THRB: variants seen among roughly 807,000 people sequenced by gnomAD.
THRB encodes the protein thyroid hormone receptor beta.
A neutral mutation model predicts 47.8 loss-of-function variants in THRB; 12 were observed. That is an observed-to-expected ratio of 0.25 (90% CI 0.16 to 0.41). The LOEUF (loss-of-function observed/expected upper bound fraction) is 0.41, where lower values mean the gene tolerates loss of function less well. THRB is among the 10% of genes least tolerant of loss of function. The probability of loss-of-function intolerance (pLI) is 1.00; values close to 1 mark genes in which losing one functional copy is unlikely to be tolerated. For synonymous variants in THRB, 218 were observed against 212.2 expected, an observed-to-expected ratio of 1.03 and a Z score of -0.24; for missense variants, 348 against 589.2, an observed-to-expected ratio of 0.59 and a Z score of 4.24.
At chr3:24,179,332 G>A (rs1575626778) in intron 5 of THRB, among the ~76,000 whole-genome samples, 1 of 152,264 alleles carries the variant, frequency 6.6e-6, no homozygotes, top group East Asian at 1.9e-4. Context: ...AATTTCCTTA[G>A]TTTTAGCAGG....
intron 7 of THRB, 31 bp downstream of exon 7, chr3:24,146,644 T>C (rs781226974): frequency 1.2e-6 from 2 of 1,613,042 alleles, no homozygotes; most frequent in Non-Finnish European, 8.5e-7. Context: ...TCAACATTCC[T>C]TGAATATGAA....
intron 3 of THRB, among the ~76,000 whole-genome samples, chr3:24,264,818 G>C (rs1414802221): frequency 6.7e-6 from 1 of 149,166 alleles, no homozygotes; most frequent in Non-Finnish European, 1.5e-5. Flanking sequence ...ACTGGACTTT[G>C]TGCTTTTAGT....
chr3:24,196,294 T>C (rs1235592161), intron 4 of THRB, among the ~76,000 whole-genome samples: 1 of 152,102 alleles, frequency 6.6e-6, no homozygotes, highest in Non-Finnish European at 1.5e-5. Context: ...GCTCATCCCT[T>C]ATATTTCTTG....
intron 1 of THRB, among the ~76,000 whole-genome samples, chr3:24,429,455 A>G (rs763352867): frequency 1.3e-5 from 2 of 152,022 alleles, no homozygotes; most frequent in Non-Finnish European, 2.9e-5. Flanking sequence ...ACAAAGAATG[A>G]ATGAATGAAT....
chr3:24,235,588 C>T (rs1336739305), intron 3 of THRB, among the ~76,000 whole-genome samples: 1 of 152,166 alleles, frequency 6.6e-6, no homozygotes, highest in African/African-American at 2.4e-5. Context: ...CATGGGCAGC[C>T]CAGAAAAGCC....
At chr3:24,346,650 T>C (rs1199521921) in intron 1 of THRB, among the ~76,000 whole-genome samples, 2 of 152,026 alleles carry the variant, frequency 1.3e-5, no homozygotes, top group African/African-American at 2.4e-5. Flanking sequence ...TATCAGATAC[T>C]GTAAACTTAA....
chr3:24,289,664 T>G (rs2055718753), intron 3 of THRB, among the ~76,000 whole-genome samples: 1 of 152,236 alleles, frequency 6.6e-6, no homozygotes, highest in Non-Finnish European at 1.5e-5. Context: ...CCTAATTATT[T>G]CGAGGAGTCT....
intron 1 of THRB, among the ~76,000 whole-genome samples, chr3:24,360,572 T>C (rs1319056490): frequency 2.0e-5 from 3 of 152,194 alleles, no homozygotes; most frequent in Non-Finnish European, 4.4e-5. Flanking sequence ...AACAACTTTT[T>C]AAAAATGCTA....
intron 3 of THRB, among the ~76,000 whole-genome samples, chr3:24,249,556 A>T (rs879842780): frequency 0.067 from 10,153 of 152,232 alleles, 758 homozygotes; most frequent in African/African-American, 0.18. Context: ...CTAACCCAGA[A>T]CTTAAACAAT....
intron 1 of THRB, among the ~76,000 whole-genome samples, chr3:24,339,136 T>G (rs962517590): frequency 6.6e-6 from 1 of 152,194 alleles, no homozygotes; most frequent in Non-Finnish European, 1.5e-5. Context: ...TATATATATA[T>G]AGATATTTTG....
At chr3:24,405,164 C>T (rs994426139) in intron 1 of THRB, among the ~76,000 whole-genome samples, 19 of 151,920 alleles carry the variant, frequency 1.3e-4, no homozygotes, top group African/African-American at 4.1e-4. Context: ...GTTGAGCATC[C>T]TGTTTCTCAA....
At chr3:24,157,689 C>T (rs1364666179) in intron 5 of THRB, among the ~76,000 whole-genome samples, 2 of 152,010 alleles carry the variant, frequency 1.3e-5, no homozygotes, top group Non-Finnish European at 2.9e-5. Flanking sequence ...GGTCACCACA[C>T]CTGGCTAATT....
intron 1 of THRB, among the ~76,000 whole-genome samples, chr3:24,412,379 A>C (rs868535213): frequency 2.6e-5 from 4 of 151,862 alleles, no homozygotes; most frequent in Non-Finnish European, 5.9e-5. Flanking sequence ...AAGCTTTAAA[A>C]AATTACAAAG....
intron 3 of THRB, among the ~76,000 whole-genome samples, chr3:24,252,784 G>A (rs914150635): frequency 3.9e-5 from 6 of 151,998 alleles, no homozygotes; most frequent in Non-Finnish European, 7.4e-5. Context: ...AAGAAATATG[G>A]TTAAGTGAGA....
chr3:24,159,322 G>A (rs1291565210), intron 5 of THRB, among the ~76,000 whole-genome samples: 1 of 152,180 alleles, frequency 6.6e-6, no homozygotes, highest in Non-Finnish European at 1.5e-5. Flanking sequence ...ACATGGATGT[G>A]CGCTTTAGGG....
At chr3:24,188,775 T>C (rs539412972) in intron 5 of THRB, among the ~76,000 whole-genome samples, 14 of 114,494 alleles carry the variant, frequency 1.2e-4, no homozygotes, top group Admixed American at 5.8e-4. Context: ...CACACACACA[T>C]ACGTCCTACA....
At chr3:24,135,846 T>TATATATATATATATATATATATATATAA (rs1231598841) in intron 8 of THRB, among the ~76,000 whole-genome samples, 6 of 121,152 alleles carry the variant, frequency 5.0e-5, no homozygotes, top group African/African-American at 1.6e-4. Flanking sequence ...TATATATATA[T>TATATATATATATATATATATATATATAA]AATACATAAA....
chr3:24,274,483 G>A (rs2053694710), intron 3 of THRB, among the ~76,000 whole-genome samples: 1 of 152,090 alleles, frequency 6.6e-6, no homozygotes, highest in Non-Finnish European at 1.5e-5. Context: ...ATTATCTCAA[G>A]AAGCCAGGAA....
chr3:24,473,911 C>A (rs1461290180), intron 1 of THRB, among the ~76,000 whole-genome samples: 2 of 152,072 alleles, frequency 1.3e-5, no homozygotes, highest in East Asian at 3.9e-4. Flanking sequence ...AAAGAGAACA[C>A]ATGGACACAG....
Sources: gnomAD v4.1 joint callset for allele counts (sites outside exome capture counted in the v4.1 genomes callset) on GRCh38, gnomAD v4.1.1 for gene constraint, MANE v1.5 for transcripts, NCBI Gene and HGNC (gene_info 2026-07-23, HGNC 2026-07-21) for gene names.